Variants in SLF1 observed in about 807,000 individuals in gnomAD.
The protein encoded by SLF1 is SMC5-SMC6 complex localization factor protein 1.
SLF1 carries 105 observed loss-of-function variants against 123.0 expected under a neutral mutation model. The observed-to-expected ratio is 0.85, with a 90% CI of 0.73 to 1.00. The LOEUF (loss-of-function observed/expected upper bound fraction) is 1.00, where lower values mean the gene tolerates loss of function less well. SLF1 is among the 50% of genes least tolerant of loss of function. The probability of loss-of-function intolerance (pLI) is 0.00; values close to 1 mark genes in which losing one functional copy is unlikely to be tolerated. For synonymous variants in SLF1, 434 were observed against 406.6 expected, an observed-to-expected ratio of 1.07 and a Z score of -0.81; for missense variants, 1,239 against 1,223.0, an observed-to-expected ratio of 1.01 and a Z score of -0.20.
At chr5:94,640,983 C>T (rs1044090017) in intron 4 of SLF1, among the ~76,000 whole-genome samples, 3 of 152,052 alleles carry the variant, frequency 2.0e-5, no homozygotes, top group African/African-American at 7.2e-5. Flanking sequence ...GTTTGGTTTT[C>T]TTCTTGCCTA....
chr5:94,667,184 C>T (rs1749869820), intron 12 of SLF1, among the ~76,000 whole-genome samples: 1 of 152,088 alleles, frequency 6.6e-6, no homozygotes, highest in Non-Finnish European at 1.5e-5. Flanking sequence ...GAGAGCCAGA[C>T]ACTGTACTAC....
intron 15 of SLF1, among the ~76,000 whole-genome samples, chr5:94,685,646 A>T (rs907459269): frequency 2.0e-5 from 3 of 152,012 alleles, no homozygotes; most frequent in Non-Finnish European, 4.4e-5. Flanking sequence ...AAGATATTTG[A>T]GGCTCTTGGT....
intron 15 of SLF1, among the ~76,000 whole-genome samples, chr5:94,683,033 G>A (rs547878959): frequency 1.3e-5 from 2 of 152,226 alleles, no homozygotes; most frequent in African/African-American, 4.8e-5. Context: ...TGCCAATCCT[G>A]ACTTAAACGT....
chr5:94,635,222 G>C (rs901560458), intron 4 of SLF1, among the ~76,000 whole-genome samples: 1 of 151,638 alleles, frequency 6.6e-6, no homozygotes, highest in South Asian at 2.1e-4. Context: ...TAGGAGTGTA[G>C]CTAGTCCTGC....
At chr5:94,640,765 C>T (rs1174010721) in intron 4 of SLF1, among the ~76,000 whole-genome samples, 3 of 152,062 alleles carry the variant, frequency 2.0e-5, no homozygotes, top group Non-Finnish European at 4.4e-5. Context: ...ATGAGCTTGT[C>T]GAAGAAATTC....
At chr5:94,674,226 ATGT>A (rs548473654) in intron 14 of SLF1, among the ~76,000 whole-genome samples, 227 of 152,298 alleles carry the variant, frequency 1.5e-3, no homozygotes, top group South Asian at 2.7e-3. Flanking sequence ...CAATAAAATG[ATGT>A]TGTCACAATT....
intron 12 of SLF1, among the ~76,000 whole-genome samples, chr5:94,666,495 T>C (rs895193720): frequency 1.3e-5 from 2 of 152,226 alleles, no homozygotes; most frequent in African/African-American, 4.8e-5. Context: ...CTTCTGCACA[T>C]GCTGTCACTG....
chr5:94,670,826 G>A lies in SLF1; in HGVS notation c.1662-17G>A. 1.3e-6 allele frequency: 2 copies of A among 1,525,118 alleles called. No individual in the cohort carries two copies. Among genetic ancestry groups the A allele is most frequent in the Non-Finnish European group, 1.8e-6 (2 of 1,130,286 alleles). 94.5% of individuals were successfully genotyped at this position (1,525,118 alleles called of 1,614,324 possible). ...AAATTGGCTTAAAGATATACTTTTT[G>A]TTTATATTTTAATTAGGTTGTATGA... On this transcript the variant is annotated splice_polypyrimidine_tract_variant and intron_variant, in intron 13 of 20. Transcript: ENST00000265140.
intron 15 of SLF1, among the ~76,000 whole-genome samples, chr5:94,679,328 A>T (rs1230748148): frequency 6.6e-6 from 1 of 152,138 alleles, no homozygotes; most frequent in Non-Finnish European, 1.5e-5. Context: ...GCAGTGGCTC[A>T]CACCTGTAAT....
upstream of SLF1, chr5:94,618,651 C>G (rs1309887718): frequency 6.5e-6 from 1 of 154,626 alleles, no homozygotes; most frequent in Non-Finnish European, 1.5e-5. Context: ...CTGCCTAGCG[C>G]GCGGCGGGAA....
Position 94,630,731 on chromosome 5 carries a change from A to C in SLF1, c.419A>C (p.Asp140Ala). The C allele has an allele frequency of 6.4e-7, 1 of 1,551,328 alleles. No individual in the cohort carries two copies. The highest frequency in any genetic ancestry group is 8.7e-7 in the Non-Finnish European group (1 of 1,146,760). Residue 140 changes from aspartate to alanine, a missense_variant, in exon 4 of 21, where the codon GAT (aspartate) becomes GCT (alanine). Transcript: ENST00000265140. ...CTTGTTAGAACTGATAAGCGAAGTG[A>C]TTCTCTTATAAGGTAGGATGTGATT... ...VLLVRTDKRS[D>A]SLIRVLEAGK...
intron 15 of SLF1, among the ~76,000 whole-genome samples, chr5:94,682,696 G>C (rs1751950507): frequency 1.3e-5 from 2 of 152,190 alleles, no homozygotes; most frequent in African/African-American, 4.8e-5. Flanking sequence ...ATGTTCATCA[G>C]TTCCATATAG....
At chr5:94,636,587 A>G (rs1334808095) in intron 4 of SLF1, among the ~76,000 whole-genome samples, 1 of 150,562 alleles carries the variant, frequency 6.6e-6, no homozygotes, top group African/African-American at 2.5e-5. Flanking sequence ...TATATTCTTC[A>G]TCTCCAAAAT....
At position 94,641,999 on chromosome 5, in the gene SLF1, A is replaced by G. The variant is rs746272408; in HGVS notation, c.432-1274A>G. Among the ~76,000 whole-genome samples, 36 of 151,896 alleles carry G rather than the reference A, an allele frequency of 2.4e-4. 1 individual carries two copies. The highest frequency in any genetic ancestry group is 2.4e-3 in the Admixed American group (36 of 15,268). ...TTTTTGCTTCTATCCCTCATCCGGA[A>G]ACAGTGGGTATTTTTCCCAGGCTGG... is the stretch of plus-strand genomic sequence containing the variant. On this transcript the variant is annotated intron_variant, in intron 4 of 20. Transcript: ENST00000265140.
chr5:94,695,505 G>T lies in SLF1; in HGVS notation c.*193G>T. 1 of 470,612 alleles carries T rather than the reference G, an allele frequency of 2.1e-6. No individual in the cohort carries two copies. Among genetic ancestry groups the T allele is most frequent in the Admixed American group, 3.9e-5 (1 of 25,344 alleles). The allele number at this position is 470,612 out of a possible 1,614,324, so 29.2% of individuals were successfully genotyped here. ...AGTATGGGCTTCTGACTTTTTCCAG[G>T]GTGTAGAATTTGACTCAAAAGTAAA... On this transcript the variant is annotated 3_prime_UTR_variant, in exon 21 of 21. Transcript: ENST00000265140.
intron 4 of SLF1, among the ~76,000 whole-genome samples, chr5:94,642,431 A>C (rs762793146): frequency 1.3e-5 from 2 of 152,180 alleles, no homozygotes; most frequent in Non-Finnish European, 2.9e-5. Flanking sequence ...AACTTTACTT[A>C]ATTTTTACAT....
At chr5:94,661,019 G>C (rs1458567385) in intron 9 of SLF1, among the ~76,000 whole-genome samples, 1 of 152,082 alleles carries the variant, frequency 6.6e-6, no homozygotes, top group African/African-American at 2.4e-5. Flanking sequence ...AATATCAGTG[G>C]GGCTCCGGGC....
Position 94,695,002 on chromosome 5 carries a change from C to T in SLF1, c.2867C>T (p.Ser956Phe). The T allele has an allele frequency of 1.2e-6, 2 of 1,612,440 alleles. No homozygotes were observed. Among genetic ancestry groups the T allele is most frequent in the Non-Finnish European group, 1.7e-6 (2 of 1,179,106 alleles). ...CATTACCAGCAACTTGAATTTGGCT[C>T]CTTTTTACTTAGTAGGATGTTGCTA... The part of the protein sequence containing the change: ...HFHYQQLEFG[S>F]FLLSRMLLNF... The change falls in exon 21 of 21, where the codon TCC becomes TTC. Residue 956 changes from serine to phenylalanine, a missense_variant. Physicochemically the swap from Ser to Phe is radical, Grantham distance 155. Coordinates refer to ENST00000265140, the MANE Select transcript of SLF1 (RefSeq NM_032290.4).
At chr5:94,675,634 T>A (rs57041121) in intron 14 of SLF1, among the ~76,000 whole-genome samples, 22,547 of 152,012 alleles carry the variant, frequency 0.15, 1,874 homozygotes, top group East Asian at 0.32. Flanking sequence ...GTTGAAAGTG[T>A]CTTTTCATAT....
Sources: gnomAD v4.1 joint callset for allele counts (sites outside exome capture counted in the v4.1 genomes callset) on GRCh38, gnomAD v4.1.1 for gene constraint, MANE v1.5 for transcripts, NCBI Gene and HGNC (gene_info 2026-07-23, HGNC 2026-07-21) for gene names.